CBX6: variants seen among roughly 807,000 people sequenced by gnomAD.
CBX6 encodes the protein chromobox 6, also known as chromobox protein homolog 6.
Under a neutral mutation model 28.4 loss-of-function variants are expected in CBX6, and 7 were observed. The ratio of observed to expected loss-of-function variants is 0.25; its 90% CI spans 0.14 to 0.46. The LOEUF (loss-of-function observed/expected upper bound fraction) is 0.46. CBX6 is among the 20% of genes least tolerant of loss of function. The pLI, the probability that CBX6 is intolerant of heterozygous loss-of-function variation, is 0.99. For synonymous variants in CBX6, 297 were observed against 273.4 expected (o/e 1.09, Z -0.85); for missense variants, 512 against 606.1 (o/e 0.84, Z 1.63).
At position 38,871,033 on chromosome 22, in the gene CBX6, A is replaced by C. The variant is rs2093180710; in HGVS notation, c.246+447T>G. ...TGAAGAACAAATCCTGAAAGACTGAACGGGGGAAGCTGGGGGCAGGGAGGC... is the reference window on the plus strand; with the variant it reads ...TGAAGAACAAATCCTGAAAGACTGACCGGGGGAAGCTGGGGGCAGGGAGGC... On this transcript the variant is annotated intron_variant, in intron 4 of 4. Coordinates refer to ENST00000407418, the MANE Select transcript of CBX6 (RefSeq NM_014292.5). The surrounding 1 kb of genome is among the most constrained non-coding windows in gnomAD (Gnocchi z 5.6). 5.8e-6 allele frequency: 1 copy of C among 173,348 alleles called. No individual in the cohort carries two copies. The highest frequency in any genetic ancestry group is 1.2e-5 in the Non-Finnish European group (1 of 80,806). 10.7% of individuals were successfully genotyped at this position (173,348 alleles called of 1,614,324 possible).
Position 38,871,993 on chromosome 22 carries a change from G to C in CBX6, c.70-48C>G. ...ACGGGGGTGGGGGTGGGGAGGATGC[G>C]GGGACGCGAGGAGGCGGCGGCGCGG... On this transcript the variant is annotated intron_variant, in intron 1 of 4. Transcript: ENST00000407418. This position sits in a 1 kb window ranked among gnomAD's most constrained non-coding sequence, Gnocchi z 5.6. 6.9e-7 allele frequency: 1 copy of C among 1,441,636 alleles called. No homozygotes were observed. The highest frequency in any genetic ancestry group is 2.9e-5 in the East Asian group (1 of 35,008). The allele number at this position is 1,441,636 out of a possible 1,614,324, so 89.3% of individuals were successfully genotyped here.
rs1010217036 is a variant in CBX6 at position 38,871,213 on chromosome 22, T to C, written c.246+267A>G. On this transcript the variant is annotated intron_variant, in intron 4 of 4. Transcript: ENST00000407418. This position sits in a 1 kb window ranked among gnomAD's most constrained non-coding sequence, Gnocchi z 5.6. Reference sequence around the variant, plus strand: ...CACCTGCCTCAGCCACCCCCTTTCCTGGAGCCCTAAAGGCATCCCCAGCCC... The same window carrying C: ...CACCTGCCTCAGCCACCCCCTTTCCCGGAGCCCTAAAGGCATCCCCAGCCC... The C allele has an allele frequency of 1.8e-6, 1 of 552,270 alleles. No individual in the cohort carries two copies. The highest frequency in any genetic ancestry group is 3.2e-5 in the East Asian group (1 of 30,956). 34.2% of individuals were successfully genotyped at this position (552,270 alleles called of 1,614,324 possible).
intron 4 of CBX6, among the ~76,000 whole-genome samples, chr22:38,869,059 T>G: frequency 6.6e-6 from 1 of 152,216 alleles, no homozygotes; most frequent in East Asian, 1.9e-4. Flanking sequence ...AAGCCGGGCC[T>G]GCCCATGCCA....
Position 38,871,445 on chromosome 22 carries a change from G to A in CBX6, c.246+35C>T, listed in dbSNP as rs557018335. 30 of 1,579,778 alleles carry A rather than the reference G, an allele frequency of 1.9e-5. No homozygotes were observed. The highest frequency in any genetic ancestry group is 1.7e-4 in the Middle Eastern group (1 of 5,888). ...CGTGCTGTGCCGGGGCTGGGGGCCCGAGAGGGGGATGCTGCTGGGGCTGGG... is the reference window on the plus strand; with the variant it reads ...CGTGCTGTGCCGGGGCTGGGGGCCCAAGAGGGGGATGCTGCTGGGGCTGGG... On this transcript the variant is annotated intron_variant, in intron 4 of 4. Transcript: ENST00000407418. The surrounding 1 kb of genome is among the most constrained non-coding windows in gnomAD (Gnocchi z 5.6).
At chr22:38,867,281 T>G in intron 4 of CBX6, 80 bp from the exon 5 acceptor site, 2 of 1,274,690 alleles carry the variant, frequency 1.6e-6, no homozygotes, top group South Asian at 2.9e-5. Flanking sequence ...CAGCCAGCCC[T>G]AAGTAGAGCC....
chr22:38,866,012 C>T lies in CBX6; in HGVS notation c.*197G>A, dbSNP rs2093168449. On this transcript the variant is annotated 3_prime_UTR_variant, in exon 5 of 5. Coordinates refer to ENST00000407418, the MANE Select transcript of CBX6 (RefSeq NM_014292.5). The surrounding 1 kb of genome is among the most constrained non-coding windows in gnomAD (Gnocchi z 7.5). ...CATGGGCAGGGGGTGTGCCCTTCCC[C>T]TGCCCCATTCCAGGGTGGCCCCTAC... 1.7e-6 allele frequency: 1 copy of T among 599,772 alleles called. No homozygotes were observed. Among genetic ancestry groups the T allele is most frequent in the Non-Finnish European group, 3.0e-6 (1 of 338,530 alleles). The allele number at this position is 599,772 out of a possible 1,614,324, so 37.2% of individuals were successfully genotyped here.
In CBX6 at chr22:38,867,197, C is replaced by CGCGCCT; in HGVS notation, c.247-2_250dup (p.Ala83_Arg84insGlnAla). 2 of 1,094,922 alleles carry CGCGCCT rather than the reference C, an allele frequency of 1.8e-6. No individual in the cohort carries two copies. The highest frequency in any genetic ancestry group is 1.3e-5 in the South Asian group (1 of 76,566). The allele number at this position is 1,094,922 out of a possible 1,614,324, so 67.8% of individuals were successfully genotyped here. ...GATGCGGAGGGCCTCGGCCTGGGCCCGCGCCTGCGGGCAGAGGGAGGGGTG... is the reference window on the plus strand; with the variant it reads ...GATGCGGAGGGCCTCGGCCTGGGCCCGCGCCTGCGCCTGCGGGCAGAGGGAGGGGTG... On this transcript the variant is annotated inframe_insertion, in exon 5 of 5. Coordinates refer to ENST00000407418, the MANE Select transcript of CBX6 (RefSeq NM_014292.5).
At position 38,867,115 on chromosome 22, in the gene CBX6, G is replaced by T. The variant is rs747872267; in HGVS notation, c.333C>A (p.His111Gln). 3 of 1,589,344 alleles carry T rather than the reference G, an allele frequency of 1.9e-6. No homozygotes were observed. Among genetic ancestry groups the T allele is most frequent in the Non-Finnish European group, 1.7e-6 (2 of 1,170,470 alleles). Residue 111 changes from histidine (H) to glutamine (Q), a missense_variant, in exon 5 of 5, where the codon CAC becomes CAA. Transcript: ENST00000407418. ...PSASASSPKL[H>Q]SSAAVHRLKK... Reference sequence around the variant, plus strand: ...TGAGCCGGTGCACGGCTGCGCTGGAGTGCAGCTTGGGCGAGGAGGCACTGG... The same window carrying T: ...TGAGCCGGTGCACGGCTGCGCTGGATTGCAGCTTGGGCGAGGAGGCACTGG...
At position 38,863,627 on chromosome 22, in the gene CBX6, G is replaced by C. The variant is rs2093162769; in HGVS notation, c.*2582C>G. On this transcript the variant is annotated 3_prime_UTR_variant, in exon 5 of 5. Transcript: ENST00000407418. ...TGCCTGGTGCCTCTTCATGCACCAA[G>C]GCTGGCCCGGGCTGCTCCACTTGGA... 1 of 152,184 alleles carries C rather than the reference G, an allele frequency of 6.6e-6. No individual in the cohort carries two copies. The highest frequency in any genetic ancestry group is 2.4e-5 in the African/African-American group (1 of 41,440). The allele number at this position is 152,184 out of a possible 1,614,324, so 9.4% of individuals were successfully genotyped here.
At position 38,871,390 on chromosome 22, in the gene CBX6, G is replaced by T; in HGVS notation, c.246+90C>A. On this transcript the variant is annotated intron_variant, in intron 4 of 4. Transcript: ENST00000407418. This position sits in a 1 kb window ranked among gnomAD's most constrained non-coding sequence, Gnocchi z 5.6. ...CTGAAAAGGCCGGCCCGCTTGGGCG[G>T]CCGCGTATCTGTCCCTCCCTTCCAG... The T allele has an allele frequency of 7.4e-7, 1 of 1,346,462 alleles. No individual in the cohort carries two copies. The highest frequency in any genetic ancestry group is 1.0e-6 in the Non-Finnish European group (1 of 975,856). 83.4% of individuals were successfully genotyped at this position (1,346,462 alleles called of 1,614,324 possible).
Position 38,865,947 on chromosome 22 carries a change from T to G in CBX6, c.*262A>C. 1.9e-6 allele frequency: 1 copy of G among 514,190 alleles called. No homozygotes were observed. Among genetic ancestry groups the G allele is most frequent in the Non-Finnish European group, 3.4e-6 (1 of 290,658 alleles). 31.9% of individuals were successfully genotyped at this position (514,190 alleles called of 1,614,324 possible). On this transcript the variant is annotated 3_prime_UTR_variant, in exon 5 of 5. Coordinates refer to ENST00000407418, the MANE Select transcript of CBX6 (RefSeq NM_014292.5). ...TGTGGAAGGGGCAGAGGAACCCTAG[T>G]TTCTAGGGCTTTCCAGAAACCACCC...
Position 38,871,319 on chromosome 22 carries a change from G to A in CBX6, c.246+161C>T. 1 of 683,436 alleles carries A rather than the reference G, an allele frequency of 1.5e-6. No individual in the cohort carries two copies. Among genetic ancestry groups the A allele is most frequent in the Non-Finnish European group, 2.6e-6 (1 of 388,368 alleles). 42.3% of individuals were successfully genotyped at this position (683,436 alleles called of 1,614,324 possible). ...TGCTGGCTGAGGCCTGCCATCAGGG[G>A]CTTCTGGGGGGGCTCACAACCACCC... On this transcript the variant is annotated intron_variant, in intron 4 of 4. Coordinates refer to ENST00000407418, the MANE Select transcript of CBX6 (RefSeq NM_014292.5). The surrounding 1 kb of genome is among the most constrained non-coding windows in gnomAD (Gnocchi z 5.6).
In CBX6 at chr22:38,866,788, C is replaced by T. The variant is rs139799759; in HGVS notation, c.660G>A (p.Leu220=). Residue 220 remains leucine, a synonymous_variant, in exon 5 of 5, where the codon CTG becomes CTA. Coordinates refer to ENST00000407418, the MANE Select transcript of CBX6 (RefSeq NM_014292.5). The surrounding 1 kb of genome is among the most constrained non-coding windows in gnomAD (Gnocchi z 7.5). ...ACTTCATGTGGCGGATCTGTGTACG[C>T]AGGACGCTCTCGCTGAACTTCTTGC... is the stretch of plus-strand genomic sequence containing the variant. ...GKSKKFSESV[L]RTQIRHMKFG... is the part of the protein sequence containing the mutation. The T allele has an allele frequency of 1.9e-5, 30 of 1,612,610 alleles. 1 individual carries two copies. The African/African-American group carries it at 3.5e-4, about 19-fold the overall frequency.
Position 38,866,867 on chromosome 22 carries a change from G to A in CBX6, c.581C>T (p.Ala194Val), listed in dbSNP as rs1278938760. The change falls in exon 5 of 5, where the codon GCC becomes GTC. Residue 194 changes from alanine (A) to valine (V), a missense_variant. Ala to Val is a moderately conservative substitution (Grantham distance 64). Transcript: ENST00000407418. This position sits in a 1 kb window ranked among gnomAD's most constrained non-coding sequence, Gnocchi z 7.5. ...GACTTTGGGGCGGGCCAGCGCCCCG[G>A]CCCCCTGCCCGGCGCCCCCGCCGCC... ...GAGGGGAGQGAGALARPKVPS... is the reference protein window; with the variant it reads ...GAGGGGAGQGVGALARPKVPS... The A allele has an allele frequency of 6.2e-7, 1 of 1,602,566 alleles. No homozygotes were observed. Among genetic ancestry groups the A allele is most frequent in the African/African-American group, 1.3e-5 (1 of 74,468 alleles).
In CBX6 at chr22:38,870,137, GGCAC is replaced by G. The variant is rs1568997049; in HGVS notation, c.246+1339_246+1342del. On this transcript the variant is annotated intron_variant, in intron 4 of 4. Transcript: ENST00000407418. The surrounding 1 kb of genome is among the most constrained non-coding windows in gnomAD (Gnocchi z 4.3). ...CTTTAACCTGACATGGACTACTCAAGGCACAAGATGAAGAAAAGGAGACAGGATG... is the reference window on the plus strand; with the variant it reads ...CTTTAACCTGACATGGACTACTCAAGAAGATGAAGAAAAGGAGACAGGATG... The G allele has an allele frequency of 6.6e-6, 1 of 152,186 alleles. No individual in the cohort carries two copies. The highest frequency in any genetic ancestry group is 1.5e-5 in the Non-Finnish European group (1 of 68,052). The allele number at this position is 152,186 out of a possible 1,614,324, so 9.4% of individuals were successfully genotyped here.
rs1198880523 is a variant in CBX6 at position 38,872,031 on chromosome 22, G to A, written c.70-86C>T. Reference sequence around the variant, plus strand: ...GGCGGCGGCGCGGGGCTGGGCGAGGGAGCCGGGCTAGCGGGACCGCTTCGC... The same window carrying A: ...GGCGGCGGCGCGGGGCTGGGCGAGGAAGCCGGGCTAGCGGGACCGCTTCGC... On this transcript the variant is annotated intron_variant, in intron 1 of 4. Transcript: ENST00000407418. The surrounding 1 kb of genome is among the most constrained non-coding windows in gnomAD (Gnocchi z 5.0). 2 of 1,385,942 alleles carry A rather than the reference G, an allele frequency of 1.4e-6. No individual in the cohort carries two copies. The highest frequency in any genetic ancestry group is 3.0e-5 in the East Asian group (1 of 33,234). 85.9% of individuals were successfully genotyped at this position (1,385,942 alleles called of 1,614,324 possible). A position where few individuals can be genotyped will look rare whatever the true frequency, so the allele number is the denominator to read the frequency against.
Position 38,871,392 on chromosome 22 carries a change from C to A in CBX6, c.246+88G>T, listed in dbSNP as rs1472345441. 3 of 1,365,092 alleles carry A rather than the reference C, an allele frequency of 2.2e-6. No individual in the cohort carries two copies. The highest frequency in any genetic ancestry group is 2.7e-5 in the South Asian group (2 of 74,966). 84.6% of individuals were successfully genotyped at this position (1,365,092 alleles called of 1,614,324 possible). A position where few individuals can be genotyped will look rare whatever the true frequency, so the allele number is the denominator to read the frequency against. On this transcript the variant is annotated intron_variant, in intron 4 of 4. Transcript: ENST00000407418. The surrounding 1 kb of genome is among the most constrained non-coding windows in gnomAD (Gnocchi z 5.6). ...GAAAAGGCCGGCCCGCTTGGGCGGC[C>A]GCGTATCTGTCCCTCCCTTCCAGGC...
rs1339902868 is a variant in CBX6, at chr22:38,871,429, C to G, written c.246+51G>C. The G allele has an allele frequency of 4.6e-6, 7 of 1,534,220 alleles. No homozygotes were observed. In the East Asian group the frequency reaches 1.6e-4, roughly 35 times the overall value. ...CCTCCCTTCCAGGCCCCGTGCTGTG[C>G]CGGGGCTGGGGGCCCGAGAGGGGGA... On this transcript the variant is annotated intron_variant, in intron 4 of 4. Transcript: ENST00000407418. The surrounding 1 kb of genome is among the most constrained non-coding windows in gnomAD (Gnocchi z 5.6).
intron 4 of CBX6, 27 bp from the exon 5 acceptor site, chr22:38,867,228 G>GGGGGGGGGA: frequency 7.7e-6 from 4 of 518,862 alleles, no homozygotes; most frequent in Non-Finnish European, 1.4e-5. Context: ...GGGTGGGTGG[G>GGGGGGGGGA]ACCTCAGGAC....
Sources: gnomAD v4.1 joint callset for allele counts (sites outside exome capture counted in the v4.1 genomes callset) on GRCh38, gnomAD v4.1.1 for gene constraint, Gnocchi (gnomAD v3.1) non-coding constraint, MANE v1.5 for transcripts, NCBI Gene and HGNC (gene_info 2026-07-23, HGNC 2026-07-21) for gene names.